Variants in GPHN observed in about 807,000 individuals in gnomAD.
GPHN encodes gephyrin.
A neutral mutation model predicts 95.5 loss-of-function variants in GPHN; 17 were observed. That is an observed-to-expected ratio of 0.18 (90% confidence interval 0.12 to 0.27). GPHN has a LOEUF of 0.27. GPHN is among the 10% of genes least tolerant of loss of function. The pLI, the probability that GPHN is intolerant of heterozygous loss-of-function variation, is 1.00. For synonymous variants in GPHN, 320 were observed against 322.5 expected (o/e 0.99, Z 0.08); for missense variants, 660 against 978.1 (o/e 0.67, Z 4.34).
intron 17 of GPHN, among the ~76,000 whole-genome samples, chr14:67,139,446 ACT>A (rs1595342415): frequency 6.6e-6 from 1 of 151,816 alleles, no homozygotes; most frequent in East Asian, 1.9e-4. Context: ...TTCTCATTAG[ACT>A]CTTTCTTTTA....
the GPHN span, among the ~76,000 whole-genome samples, chr14:67,280,863 C>T: frequency 7.8e-6 from 1 of 128,072 alleles, no homozygotes; most frequent in African/African-American, 2.9e-5. Context: ...TTCCCTCCCT[C>T]CCTCCCTCCC....
At chr14:67,490,448 A>G in the GPHN span, among the ~76,000 whole-genome samples, 2 of 152,230 alleles carry the variant, frequency 1.3e-5, no homozygotes, top group Non-Finnish European at 2.9e-5. Flanking sequence ...CTATGTGGGC[A>G]AGGGGCCAAG....
chr14:67,315,565 T>C, the GPHN span, among the ~76,000 whole-genome samples: 2 of 152,230 alleles, frequency 1.3e-5, no homozygotes, highest in African/African-American at 4.8e-5. Flanking sequence ...CATAAGCCAC[T>C]GCACCCGACC....
intron 1 of GPHN, among the ~76,000 whole-genome samples, chr14:66,620,023 A>G (rs2063224347): frequency 6.6e-6 from 1 of 152,126 alleles, no homozygotes; most frequent in South Asian, 2.1e-4. Context: ...TGTTGGATAT[A>G]TGGAGTGGGT....
At chr14:67,412,129 C>T in the GPHN span, 42 of 1,334,664 alleles carry the variant, frequency 3.1e-5, no homozygotes, top group East Asian at 1.3e-3. Context: ...GGCACCCGCG[C>T]AGCCCGCGCA....
chr14:66,888,043 C>A (rs1165826799), intron 5 of GPHN, among the ~76,000 whole-genome samples: 1 of 152,084 alleles, frequency 6.6e-6, no homozygotes, highest in Non-Finnish European at 1.5e-5. Context: ...TCACTGCATA[C>A]CTCCAAAACT....
chr14:67,604,137 C>T, the GPHN span, among the ~76,000 whole-genome samples: 3 of 152,162 alleles, frequency 2.0e-5, no homozygotes, highest in East Asian at 1.9e-4. Flanking sequence ...GGATTACAGG[C>T]GCAAAGGTTT....
intron 19 of GPHN, among the ~76,000 whole-genome samples, chr14:67,160,518 C>G (rs547678766): frequency 6.6e-6 from 1 of 152,172 alleles, no homozygotes; most frequent in Non-Finnish European, 1.5e-5. Flanking sequence ...TCAAAGGTTG[C>G]CAAACGTTGG....
intron 9 of GPHN, among the ~76,000 whole-genome samples, chr14:66,968,360 C>T (rs2069495872): frequency 6.6e-6 from 1 of 151,932 alleles, no homozygotes; most frequent in Non-Finnish European, 1.5e-5. Flanking sequence ...GAGTGATATC[C>T]AGCACAAAAT....
the GPHN span, among the ~76,000 whole-genome samples, chr14:67,406,455 G>T: frequency 6.6e-6 from 1 of 152,062 alleles, no homozygotes; most frequent in East Asian, 1.9e-4. Flanking sequence ...AAGGAGGGGT[G>T]AGCATAGGAC....
intron 18 of GPHN, among the ~76,000 whole-genome samples, chr14:67,145,902 G>T (rs1446115759): frequency 6.6e-6 from 1 of 152,144 alleles, no homozygotes; most frequent in Non-Finnish European, 1.5e-5. Context: ...GGACTGGTGG[G>T]AAATTTTATT....
chr14:67,614,605 A>C, the GPHN span, among the ~76,000 whole-genome samples: 885 of 152,068 alleles, frequency 5.8e-3, 9 homozygotes, highest in African/African-American at 0.021. Flanking sequence ...CTCTCCAAAA[A>C]AAAAAAATTT....
At chr14:67,519,415 T>C in the GPHN span, among the ~76,000 whole-genome samples, 1 of 152,256 alleles carries the variant, frequency 6.6e-6, no homozygotes, top group African/African-American at 2.4e-5. Flanking sequence ...GGGGCTGTCC[T>C]GCCAGAGCAA....
the GPHN span, among the ~76,000 whole-genome samples, chr14:67,274,749 C>T: frequency 5.5e-4 from 84 of 152,274 alleles, 2 homozygotes; most frequent in South Asian, 0.017. Context: ...TCTTCCCATC[C>T]ATGAGCATGG....
the GPHN span, chr14:67,600,400 T>TACACTAC: frequency 1.9e-6 from 1 of 537,090 alleles, no homozygotes; most frequent in Admixed American, 3.9e-5. Flanking sequence ...CTTGACTGTC[T>TACACTAC]TCGAAAAAAC....
At position 66,628,896 on chromosome 14, in the gene GPHN, C is replaced by CA. The variant is rs1185255075; in HGVS notation, c.65-52204dup. On this transcript the variant is annotated intron_variant, in intron 1 of 22. Transcript: ENST00000478722. ...GGAAGATAATTACACCTTATCTATACAAAAAAATAATTTAAAAAATGAGCC... is the reference window on the plus strand; with the variant it reads ...GGAAGATAATTACACCTTATCTATACAAAAAAAATAATTTAAAAAATGAGCC... 2.0e-5 allele frequency among the ~76,000 whole-genome samples: 3 copies of CA among 150,262 alleles called. No homozygotes were observed. The East Asian group carries it at 5.8e-4, about 29-fold the overall frequency.
At chr14:67,393,851 T>C in the GPHN span, among the ~76,000 whole-genome samples, 1 of 152,150 alleles carries the variant, frequency 6.6e-6, no homozygotes, top group Non-Finnish European at 1.5e-5. Flanking sequence ...GGTCACAGGT[T>C]TCACAAGAAA....
At chr14:67,243,712 G>T in the GPHN span, among the ~76,000 whole-genome samples, 1 of 150,072 alleles carries the variant, frequency 6.7e-6, no homozygotes, top group Non-Finnish European at 1.5e-5. Flanking sequence ...TAGCCAGGAT[G>T]ATCTCAATCT....
chr14:66,758,916 A>G (rs2058666048), intron 2 of GPHN, among the ~76,000 whole-genome samples: 1 of 152,212 alleles, frequency 6.6e-6, no homozygotes, highest in African/African-American at 2.4e-5. Context: ...AAAACAAATA[A>G]TGAGATTAGA....
Sources: gnomAD v4.1 joint callset for allele counts (sites outside exome capture counted in the v4.1 genomes callset) on GRCh38, gnomAD v4.1.1 for gene constraint, MANE v1.5 for transcripts, NCBI Gene and HGNC (gene_info 2026-07-23, HGNC 2026-07-21) for gene names.